Variants in MBNL2 observed in about 807,000 individuals in gnomAD.
MBNL2 encodes muscleblind-like protein 2.
MBNL2 carries 17 observed loss-of-function variants against 41.9 expected under a neutral mutation model. The ratio of observed to expected loss-of-function variants is 0.41; its 90% confidence interval spans 0.28 to 0.61. The LOEUF (loss-of-function observed/expected upper bound fraction) is 0.61. Ranked by LOEUF, MBNL2 falls within the 20% of genes least tolerant of loss-of-function variation. MBNL2 has a pLI of 0.35. For synonymous variants in MBNL2, 195 were observed against 182.9 expected (o/e 1.07, Z -0.53); for missense variants, 336 against 505.6 (o/e 0.66, Z 3.22).
chr13:97,244,741 C>T (rs904848426), intron 1 of MBNL2, among the ~76,000 whole-genome samples: 2 of 152,178 alleles, frequency 1.3e-5, no homozygotes, highest in African/African-American at 4.8e-5. Flanking sequence ...GTTCTGGGTA[C>T]ATCTTTACAC....
At chr13:97,271,196 A>G (rs180780923) in intron 1 of MBNL2, among the ~76,000 whole-genome samples, 25 of 150,130 alleles carry the variant, frequency 1.7e-4, no homozygotes, top group Middle Eastern at 3.4e-3. Flanking sequence ...GCTCACTGCA[A>G]TCTCCACCTC....
rs985653334 is a variant in MBNL2, at chr13:97,242,107, C to G, written c.-605+19576C>G. ...GGTGTCTCCCTCAACCCTGGGCTAG[C>G]TGCAGTGAAATGGGTAGGATTTTGA... On this transcript the variant is annotated intron_variant, in intron 1 of 8. Transcript: ENST00000679496. 2.6e-5 allele frequency among the ~76,000 whole-genome samples: 4 copies of G among 152,240 alleles called. No individual in the cohort carries two copies. In the East Asian group the frequency reaches 5.8e-4, roughly 22 times the overall value.
chr13:97,195,982 G>A, the MBNL2 span, among the ~76,000 whole-genome samples: 1 of 152,156 alleles, frequency 6.6e-6, no homozygotes, highest in Admixed American at 6.5e-5. Context: ...GTGTATAAGT[G>A]CTGCATTCGT....
chr13:97,345,919 G>A (rs1231421480), intron 4 of MBNL2, among the ~76,000 whole-genome samples: 1 of 152,156 alleles, frequency 6.6e-6, no homozygotes, highest in Non-Finnish European at 1.5e-5. Context: ...ATACAAGTAG[G>A]TGATTGAAGA....
chr13:97,231,187 G>A (rs2042331127), intron 1 of MBNL2, among the ~76,000 whole-genome samples: 1 of 152,218 alleles, frequency 6.6e-6, no homozygotes, highest in African/African-American at 2.4e-5. Flanking sequence ...TGATGAGAAA[G>A]TACTTGAAGT....
chr13:97,166,979 C>A, the MBNL2 span, among the ~76,000 whole-genome samples: 19 of 152,282 alleles, frequency 1.2e-4, no homozygotes, highest in African/African-American at 4.6e-4. Flanking sequence ...GAAATTTGTA[C>A]TACCCAGGTC....
At chr13:97,288,378 A>G (rs4612924) in intron 2 of MBNL2, among the ~76,000 whole-genome samples, 106,691 of 152,040 alleles carry the variant, frequency 0.7, 37,539 homozygotes, top group African/African-American at 0.75. Flanking sequence ...TCCTTAAGCC[A>G]TTTTCTGTTA....
chr13:97,287,664 T>A (rs1005148631), intron 2 of MBNL2, among the ~76,000 whole-genome samples: 1 of 151,822 alleles, frequency 6.6e-6, no homozygotes, highest in African/African-American at 2.4e-5. Context: ...ATTGTTTTCT[T>A]CTTATTCTTC....
At chr13:97,178,154 G>A in the MBNL2 span, among the ~76,000 whole-genome samples, 3 of 152,190 alleles carry the variant, frequency 2.0e-5, no homozygotes, top group Non-Finnish European at 4.4e-5. Flanking sequence ...GAAAATGCGA[G>A]GAACATAGCA....
the MBNL2 span, among the ~76,000 whole-genome samples, chr13:97,162,564 T>C: frequency 1.5e-4 from 23 of 152,218 alleles, 1 homozygote; most frequent in Non-Finnish European, 1.2e-4. Context: ...GAGGGAATTA[T>C]AAAAATACGA....
intron 8 of MBNL2, among the ~76,000 whole-genome samples, chr13:97,374,123 G>A (rs1442987201): frequency 7.7e-6 from 1 of 130,408 alleles, no homozygotes; most frequent in African/African-American, 2.9e-5. Context: ...CACCTACGCT[G>A]GAGTGCAATG....
At chr13:97,155,949 C>T in the MBNL2 span, among the ~76,000 whole-genome samples, 11 of 131,380 alleles carry the variant, frequency 8.4e-5, no homozygotes, top group Non-Finnish European at 1.8e-4. Context: ...ATTTCCAGTT[C>T]TAGATCCCTG....
chr13:97,324,394 G>C (rs980881766), intron 2 of MBNL2, among the ~76,000 whole-genome samples: 10 of 152,166 alleles, frequency 6.6e-5, no homozygotes, highest in Non-Finnish European at 1.5e-4. Flanking sequence ...TCGGGAAGTA[G>C]ACAGAAAAGG....
At chr13:97,374,063 A>ATTTTGTTTTTTTTT (rs2064690563) in intron 8 of MBNL2, among the ~76,000 whole-genome samples, 1 of 63,126 alleles carries the variant, frequency 1.6e-5, no homozygotes, top group Non-Finnish European at 3.1e-5. Flanking sequence ...CCTCCTTTGC[A>ATTTTGTTTTTTTTT]TTTTTTTTTT....
intron 2 of MBNL2, among the ~76,000 whole-genome samples, chr13:97,307,347 G>T (rs762121584): frequency 4.6e-5 from 7 of 151,292 alleles, no homozygotes; most frequent in Non-Finnish European, 1.0e-4. Context: ...CCTTAAATTG[G>T]TTCCAGTTGC....
intron 2 of MBNL2, among the ~76,000 whole-genome samples, chr13:97,332,184 G>A (rs2060490021): frequency 6.6e-6 from 1 of 152,170 alleles, no homozygotes; most frequent in South Asian, 2.1e-4. Context: ...GCTTCCAAGA[G>A]CAGTGTTTGT....
At chr13:97,148,623 CT>C in the MBNL2 span, among the ~76,000 whole-genome samples, 1 of 152,058 alleles carries the variant, frequency 6.6e-6, no homozygotes, top group Non-Finnish European at 1.5e-5. Context: ...GAAAACTACT[CT>C]AAATAAAGTC....
At chr13:97,287,163 G>T (rs1166655284) in intron 2 of MBNL2, among the ~76,000 whole-genome samples, 3 of 152,124 alleles carry the variant, frequency 2.0e-5, no homozygotes, top group Admixed American at 2.0e-4. Flanking sequence ...GGTGTGGCAG[G>T]CTCACTCGTG....
intron 1 of MBNL2, among the ~76,000 whole-genome samples, chr13:97,224,972 A>G (rs892449458): frequency 4.6e-5 from 7 of 152,214 alleles, no homozygotes; most frequent in Admixed American, 3.9e-4. Context: ...TTTTCCTTTG[A>G]CTTTTGTGTT....
Sources: gnomAD v4.1 joint callset for allele counts (sites outside exome capture counted in the v4.1 genomes callset) on GRCh38, gnomAD v4.1.1 for gene constraint, MANE v1.5 for transcripts, NCBI Gene and HGNC (gene_info 2026-07-23, HGNC 2026-07-21) for gene names.